PCDHGB2: variants seen among roughly 807,000 people sequenced by gnomAD.
The protein encoded by PCDHGB2 is protocadherin gamma subfamily B, 2, also known as protocadherin gamma-B2.
Under a neutral mutation model 59.3 loss-of-function variants are expected in PCDHGB2, and 55 were observed. The ratio of observed to expected loss-of-function variants is 0.93; its 90% confidence interval spans 0.75 to 1.16. The LOEUF is 1.16. Among genes scored for constraint, PCDHGB2 ranks in the 50% most tolerant of loss-of-function variants. The probability of loss-of-function intolerance (pLI) is 0.00; values close to 1 mark genes in which losing one functional copy is unlikely to be tolerated. For missense variants in PCDHGB2, 1,228 were observed against 1,198.5 expected (o/e 1.02, Z -0.36); for synonymous variants, 516 against 512.0 (o/e 1.01, Z -0.11).
Position 141,386,595 on chromosome 5 carries a change from A to AT in PCDHGB2, c.2421+24051dup, listed in dbSNP as rs373179212. On this transcript the variant is annotated intron_variant, in intron 1 of 3. Coordinates refer to ENST00000522605, the MANE Select transcript of PCDHGB2 (RefSeq NM_018923.3). ...CTCTGTACAATAGTGTGGGGGATAC[A>AT]TTTTTTTTTTTTGACATGGAGTCTC... Among the ~76,000 whole-genome samples, 373 of 146,122 alleles carry AT rather than the reference A, an allele frequency of 2.6e-3. 1 individual carries two copies. The highest frequency in any genetic ancestry group is 0.012 in the East Asian group (62 of 5,036).
chr5:141,489,148 C>G lies in PCDHGB2; in HGVS notation c.2422-5659C>G. 1 of 895,318 alleles carries G rather than the reference C, an allele frequency of 1.1e-6. No individual in the cohort carries two copies. Among genetic ancestry groups the G allele is most frequent in the Non-Finnish European group, 1.7e-6 (1 of 589,254 alleles). The allele number at this position is 895,318 out of a possible 1,614,324, so 55.5% of individuals were successfully genotyped here. A position where few individuals can be genotyped will look rare whatever the true frequency, so the allele number is the denominator to read the frequency against. ...CAGTTTTTAAGAGGCTGGAAGGAGA[C>G]ATAAGAGACTTCAGCTGCTGCATTC... On this transcript the variant is annotated intron_variant, in intron 1 of 3. Transcript: ENST00000522605. This position sits in a 1 kb window ranked among gnomAD's most constrained non-coding sequence, Gnocchi z 4.5.
chr5:141,453,287 A>T (rs900058377), intron 1 of PCDHGB2, among the ~76,000 whole-genome samples: 1 of 151,368 alleles, frequency 6.6e-6, no homozygotes, highest in Non-Finnish European at 1.5e-5. Context: ...CTAATTTTTT[A>T]ATTATTTATT....
chr5:141,371,555 A>C, intron 1 of PCDHGB2: 1 of 1,613,862 alleles, frequency 6.2e-7, no homozygotes, highest in Non-Finnish European at 8.5e-7. Context: ...GCCAACTAAA[A>C]GGAAACTTCC....
In PCDHGB2 at chr5:141,476,824, C is replaced by A; in HGVS notation, c.2422-17983C>A. On this transcript the variant is annotated intron_variant, in intron 1 of 3. Coordinates refer to ENST00000522605, the MANE Select transcript of PCDHGB2 (RefSeq NM_018923.3). This position sits in a 1 kb window ranked among gnomAD's most constrained non-coding sequence, Gnocchi z 7.6. Reference sequence around the variant, plus strand: ...TGCCTATTCACATCAAGGTGCTGGACGCGAATGACAATGCGCCTGTCTTCA... The same window carrying A: ...TGCCTATTCACATCAAGGTGCTGGAAGCGAATGACAATGCGCCTGTCTTCA... The A allele has an allele frequency of 1.2e-6, 2 of 1,613,588 alleles. No individual in the cohort carries two copies. The highest frequency in any genetic ancestry group is 1.7e-6 in the Non-Finnish European group (2 of 1,180,036).
At chr5:141,410,888 C>G in intron 1 of PCDHGB2, 1 of 290,774 alleles carries the variant, frequency 3.4e-6, no homozygotes, top group Non-Finnish European at 5.6e-6. Flanking sequence ...GAGTCTCGCA[C>G]TGTTGCCTAG....
At position 141,361,476 on chromosome 5, in the gene PCDHGB2, T is replaced by C. The variant is rs1762040373; in HGVS notation, c.1341T>C (p.Asp447=). The change falls in exon 1 of 4, where the codon GAT becomes GAC. Residue 447 remains aspartate, a synonymous_variant. Transcript: ENST00000522605. The part of the protein sequence containing the change: ...IVTLHISDVN[D]NAPVFQQTSY... ...CCCTGCACATCTCCGACGTCAACGA[T>C]AATGCCCCAGTTTTCCAACAGACTT... is the stretch of plus-strand genomic sequence containing the variant. 6.2e-7 allele frequency: 1 copy of C among 1,613,994 alleles called. No homozygotes were observed. The highest frequency in any genetic ancestry group is 8.5e-7 in the Non-Finnish European group (1 of 1,179,886).
At chr5:141,365,820 A>G in intron 1 of PCDHGB2, 1 of 1,613,898 alleles carries the variant, frequency 6.2e-7, no homozygotes, top group East Asian at 2.2e-5. Context: ...GACACATTTC[A>G]GGGGGCGCCC....
In PCDHGB2 at chr5:141,448,944, C is replaced by CAAAA. The variant is rs560691811; in HGVS notation, c.2422-45859_2422-45856dup. Among the ~76,000 whole-genome samples, 218 of 152,004 alleles carry CAAAA rather than the reference C, an allele frequency of 1.4e-3. 1 individual carries two copies. The highest frequency in any genetic ancestry group is 5.1e-3 in the African/African-American group (213 of 41,464). On this transcript the variant is annotated intron_variant, in intron 1 of 3. Coordinates refer to ENST00000522605, the MANE Select transcript of PCDHGB2 (RefSeq NM_018923.3). ...TGGGCGACAGAGCAAGACTGCAACTCAAAAAAACAAACAAACAAACAAAAA... is the reference window on the plus strand; with the variant it reads ...TGGGCGACAGAGCAAGACTGCAACTCAAAAAAAAAAACAAACAAACAAACAAAAA...
intron 2 of PCDHGB2, among the ~76,000 whole-genome samples, chr5:141,495,296 T>TCCTCCAGAG (rs998633800): frequency 1.3e-5 from 2 of 152,054 alleles, no homozygotes; most frequent in Non-Finnish European, 2.9e-5. Flanking sequence ...ACTCAGCGCC[T>TCCTCCAGAG]CCTCCAGAGC....
At position 141,476,051 on chromosome 5, in the gene PCDHGB2, GA is replaced by G; in HGVS notation, c.2422-18753del. On this transcript the variant is annotated intron_variant, in intron 1 of 3. Transcript: ENST00000522605. This position sits in a 1 kb window ranked among gnomAD's most constrained non-coding sequence, Gnocchi z 7.6. ...CCCAGCGCCCAAGCGCTAACCCGCT[GA>G]AAGTTTCTCAGCGAAATCTCAGGGA... 1.3e-6 allele frequency: 2 copies of G among 1,504,270 alleles called. No individual in the cohort carries two copies. The highest frequency in any genetic ancestry group is 1.8e-6 in the Non-Finnish European group (2 of 1,133,694). The allele number at this position is 1,504,270 out of a possible 1,614,324, so 93.2% of individuals were successfully genotyped here.
intron 1 of PCDHGB2, chr5:141,365,484 C>G: frequency 1.2e-6 from 2 of 1,613,994 alleles, no homozygotes; most frequent in Non-Finnish European, 1.7e-6. Flanking sequence ...ATTGCATGCT[C>G]TATTCCTAGG....
intron 1 of PCDHGB2, chr5:141,423,302 T>G (rs1221185261): frequency 6.2e-7 from 1 of 1,614,144 alleles, no homozygotes. Context: ...GACCTCTCGC[T>G]GTACTTGGTG....
At chr5:141,394,180 C>T in intron 1 of PCDHGB2, 2 of 1,613,948 alleles carry the variant, frequency 1.2e-6, no homozygotes, top group Non-Finnish European at 1.7e-6. Context: ...CCTCATGCCT[C>T]CTACTCAGCG....
At chr5:141,478,345 C>T (rs755421316) in intron 1 of PCDHGB2, 3 of 1,613,850 alleles carry the variant, frequency 1.9e-6, no homozygotes, top group East Asian at 4.5e-5. Context: ...CCTCCTTGCA[C>T]GCGGACGCCG....
At chr5:141,376,288 G>A (rs753554580) in intron 1 of PCDHGB2, 4 of 1,614,216 alleles carry the variant, frequency 2.5e-6, no homozygotes, top group South Asian at 2.2e-5. Flanking sequence ...TAGCGAGCAT[G>A]CCCGGCTCGC....
intron 1 of PCDHGB2, chr5:141,484,976 G>T: frequency 1.7e-6 from 1 of 592,920 alleles, no homozygotes; most frequent in South Asian, 2.1e-5. Flanking sequence ...GCCGCTGTCT[G>T]CCAATCGGGT....
chr5:141,393,366 G>A (rs998330932), intron 1 of PCDHGB2: 1 of 1,613,874 alleles, frequency 6.2e-7, no homozygotes, highest in African/African-American at 1.3e-5. Context: ...CGTGCAGACT[G>A]GAGACAATGG....
chr5:141,496,663 G>A (rs2099770279), intron 2 of PCDHGB2, among the ~76,000 whole-genome samples: 1 of 152,196 alleles, frequency 6.6e-6, no homozygotes, highest in Admixed American at 6.5e-5. Context: ...GACCCCAGCT[G>A]TTGTCCTTCT....
At chr5:141,364,582 G>T (rs1379738059) in intron 1 of PCDHGB2, 1 of 1,614,088 alleles carries the variant, frequency 6.2e-7, no homozygotes, top group African/African-American at 1.3e-5. Flanking sequence ...GCGGCAGCTT[G>T]GTCACCGCGG....
Sources: gnomAD v4.1 joint callset for allele counts (sites outside exome capture counted in the v4.1 genomes callset) on GRCh38, gnomAD v4.1.1 for gene constraint, Gnocchi (gnomAD v3.1) non-coding constraint, MANE v1.5 for transcripts, NCBI Gene and HGNC (gene_info 2026-07-23, HGNC 2026-07-21) for gene names.